The following NKAIN2 variants were observed in gnomAD, a reference collection of about 807,000 sequenced individuals.
NKAIN2 encodes the protein sodium/potassium transporting ATPase interacting 2.
In NKAIN2, 14 loss-of-function variants were observed where a neutral mutation model predicts 32.6. That is an observed-to-expected ratio of 0.43 (90% CI 0.28 to 0.67). The LOEUF (loss-of-function observed/expected upper bound fraction) is 0.67. Among genes scored for constraint, NKAIN2 ranks in the 30% least tolerant of loss-of-function variants. The pLI is 0.17. For synonymous variants in NKAIN2, 80 were observed against 87.2 expected, an observed-to-expected ratio of 0.92 and a Z score of 0.46; for missense variants, 198 against 258.3, an observed-to-expected ratio of 0.77 and a Z score of 1.60.
chr6:124,539,444 A>C (rs1296953515), intron 3 of NKAIN2, among the ~76,000 whole-genome samples: 2 of 151,572 alleles, frequency 1.3e-5, no homozygotes. Flanking sequence ...TAATTTTAGG[A>C]TTTTCCTTTT....
At chr6:124,408,058 G>A (rs944933587) in intron 3 of NKAIN2, among the ~76,000 whole-genome samples, 2 of 151,960 alleles carry the variant, frequency 1.3e-5, no homozygotes, top group African/African-American at 2.4e-5. Flanking sequence ...TTTTTTTCTT[G>A]TAAATTTGTT....
intron 3 of NKAIN2, among the ~76,000 whole-genome samples, chr6:124,656,373 G>T (rs1784538986): frequency 6.6e-6 from 1 of 151,512 alleles, no homozygotes; most frequent in Admixed American, 6.6e-5. Flanking sequence ...AGGGAAAGTT[G>T]TATGCTTTGT....
At chr6:124,229,785 C>G (rs188095184) in intron 1 of NKAIN2, among the ~76,000 whole-genome samples, 1 of 152,142 alleles carries the variant, frequency 6.6e-6, no homozygotes, top group Non-Finnish European at 1.5e-5. Context: ...ACTTGCTCCT[C>G]TTTGCCTTCT....
intron 1 of NKAIN2, among the ~76,000 whole-genome samples, chr6:123,952,998 A>C (rs942680299): frequency 2.0e-5 from 3 of 152,172 alleles, no homozygotes; most frequent in African/African-American, 4.8e-5. Flanking sequence ...GATAACAATT[A>C]CTTCTTTCAA....
At chr6:124,024,874 C>T (rs903941122) in intron 1 of NKAIN2, among the ~76,000 whole-genome samples, 3 of 151,978 alleles carry the variant, frequency 2.0e-5, no homozygotes. Context: ...GTAATCTCAG[C>T]TGCTTGGGAG....
In NKAIN2 at chr6:124,301,298, C is replaced by T. The variant is rs191991530; in HGVS notation, c.192+18156C>T. 4.5e-3 allele frequency among the ~76,000 whole-genome samples: 679 copies of T among 152,320 alleles called. 6 individuals carry two copies. Among genetic ancestry groups the T allele is most frequent in the African/African-American group, 0.015 (613 of 41,590 alleles). On this transcript the variant is annotated intron_variant, in intron 2 of 6. Coordinates refer to ENST00000368417, the MANE Select transcript of NKAIN2 (RefSeq NM_001040214.3). ...GTAAAGAATTGAGGTTCAGGAACTG[C>T]TGCCTAGATTTCAGAGGATGTATGG...
chr6:124,779,316 GA>G (rs1779146299), intron 4 of NKAIN2, among the ~76,000 whole-genome samples: 1 of 85,900 alleles, frequency 1.2e-5, no homozygotes, highest in Non-Finnish European at 2.3e-5. Context: ...GGGAGGGAGG[GA>G]GGGAAGGAAG....
intron 4 of NKAIN2, among the ~76,000 whole-genome samples, chr6:124,751,530 G>A (rs1282649924): frequency 1.3e-5 from 2 of 151,812 alleles, no homozygotes; most frequent in Non-Finnish European, 1.5e-5. Context: ...GAAAAATAGG[G>A]TAGTTACAGG....
At chr6:124,239,124 C>G (rs940681293) in intron 1 of NKAIN2, among the ~76,000 whole-genome samples, 1 of 152,048 alleles carries the variant, frequency 6.6e-6, no homozygotes, top group African/African-American at 2.4e-5. Context: ...TCTGATAAAA[C>G]AGACTTTAAA....
rs802505 is a variant in NKAIN2 at position 124,310,858 on chromosome 6, G to A, written c.192+27716G>A. Among the ~76,000 whole-genome samples, 1,473 of 152,256 alleles carry A rather than the reference G, an allele frequency of 9.7e-3. 11 individuals carry two copies. The highest frequency in any genetic ancestry group is 0.015 in the Non-Finnish European group (992 of 68,014). On this transcript the variant is annotated intron_variant, in intron 2 of 6. Coordinates refer to ENST00000368417, the MANE Select transcript of NKAIN2 (RefSeq NM_001040214.3). ...AGATTAGCAGCAAAAGGAAGGCAGC[G>A]TGGTAAGGTGGAAGCACACTGATCT...
chr6:123,830,311 A>T (rs1161701636), intron 1 of NKAIN2, among the ~76,000 whole-genome samples: 1 of 152,128 alleles, frequency 6.6e-6, no homozygotes, highest in Non-Finnish European at 1.5e-5. Flanking sequence ...ATCTAATCGC[A>T]TTATTTCCCT....
At chr6:124,812,956 T>C (rs1780970047) in intron 5 of NKAIN2, among the ~76,000 whole-genome samples, 1 of 152,148 alleles carries the variant, frequency 6.6e-6, no homozygotes, top group Non-Finnish European at 1.5e-5. Context: ...TCTTTCACAT[T>C]TTCTGTTAAG....
At chr6:123,892,284 A>T (rs534390379) in intron 1 of NKAIN2, among the ~76,000 whole-genome samples, 3 of 152,160 alleles carry the variant, frequency 2.0e-5, no homozygotes, top group Non-Finnish European at 4.4e-5. Flanking sequence ...GTCCATTCTC[A>T]CGCTGCTGTG....
chr6:124,798,883 T>G (rs1780128905), intron 5 of NKAIN2, among the ~76,000 whole-genome samples: 1 of 152,122 alleles, frequency 6.6e-6, no homozygotes, highest in Admixed American at 6.5e-5. Flanking sequence ...TCCACCCCTG[T>G]CTTGTTCCCT....
intron 2 of NKAIN2, among the ~76,000 whole-genome samples, chr6:124,294,221 G>A (rs1037560698): frequency 2.0e-5 from 3 of 152,134 alleles, no homozygotes; most frequent in African/African-American, 7.2e-5. Context: ...AATAGGAGGG[G>A]CAGCCTCACT....
intron 1 of NKAIN2, among the ~76,000 whole-genome samples, chr6:124,158,926 C>T (rs189502659): frequency 1.3e-5 from 2 of 152,214 alleles, no homozygotes; most frequent in East Asian, 1.9e-4. Context: ...ATCTCCCAGC[C>T]GTGCCACGTA....
intron 1 of NKAIN2, among the ~76,000 whole-genome samples, chr6:123,888,822 C>A (rs886280602): frequency 6.6e-6 from 1 of 152,050 alleles, no homozygotes; most frequent in Non-Finnish European, 1.5e-5. Context: ...TAGGGACTGT[C>A]CATACTTGAG....
At chr6:124,245,420 A>G (rs1008771126) in intron 1 of NKAIN2, among the ~76,000 whole-genome samples, 1 of 152,104 alleles carries the variant, frequency 6.6e-6, no homozygotes, top group African/African-American at 2.4e-5. Flanking sequence ...TTTGGAATCC[A>G]CAGGAGTGTT....
At chr6:124,074,795 G>A (rs1168974671) in intron 1 of NKAIN2, among the ~76,000 whole-genome samples, 1 of 152,074 alleles carries the variant, frequency 6.6e-6, no homozygotes, top group African/African-American at 2.4e-5. Flanking sequence ...GTTTTATGTT[G>A]CTTTCTGCTA....
Sources: allele counts gnomAD v4.1 joint callset (sites outside exome capture counted in the v4.1 genomes callset), GRCh38; gene constraint gnomAD v4.1.1; transcripts MANE v1.5; gene names NCBI Gene and HGNC (gene_info 2026-07-23, HGNC 2026-07-21).